The following RAPGEF2 variants were observed in gnomAD, a reference collection of about 807,000 sequenced individuals.
RAPGEF2 encodes the protein PDZ domain containing guanine nucleotide exchange factor (GEF) 1.
A neutral mutation model predicts 186.7 loss-of-function variants in RAPGEF2; 54 were observed. That is an observed-to-expected ratio of 0.29 (90% CI 0.23 to 0.36). The LOEUF (loss-of-function observed/expected upper bound fraction) is 0.36, where lower values mean the gene tolerates loss of function less well. Among genes scored for constraint, RAPGEF2 ranks in the 10% least tolerant of loss-of-function variants. RAPGEF2 has a pLI of 1.00. For synonymous variants in RAPGEF2, 712 were observed against 705.9 expected (o/e 1.01, Z -0.14); for missense variants, 1,532 against 2,045.0 (o/e 0.75, Z 4.84).
Position 159,154,505 on chromosome 4 carries a change from C to CTT in RAPGEF2, c.70-32124_70-32123dup, listed in dbSNP as rs5863351. On this transcript the variant is annotated intron_variant, in intron 1 of 29. Coordinates refer to ENST00000691494, the MANE Select transcript of RAPGEF2 (RefSeq NM_001394067.2). ...TTTTCTCTCCTTCCACTCACATCAC[C>CTT]TTTTTTTTTTTTTTAAAAAAAACAA... Among the ~76,000 whole-genome samples, 1,150 of 136,650 alleles carry CTT rather than the reference C, an allele frequency of 8.4e-3. 15 individuals are homozygous for CTT. Among genetic ancestry groups the CTT allele is most frequent in the African/African-American group, 0.028 (1,008 of 35,624 alleles). The allele number at this position is 136,650 out of a possible 152,430, so 89.6% of individuals were successfully genotyped here.
chr4:159,339,082 C>A, intron 18 of RAPGEF2, 32 bp from the exon 19 acceptor site: 1 of 1,598,140 alleles, frequency 6.3e-7, no homozygotes, highest in Non-Finnish European at 8.5e-7. Flanking sequence ...AAAATTCTTT[C>A]TACTTATGTG....
At chr4:159,171,840 G>C (rs1745938805) in intron 1 of RAPGEF2, among the ~76,000 whole-genome samples, 1 of 152,138 alleles carries the variant, frequency 6.6e-6, no homozygotes, top group South Asian at 2.1e-4. Context: ...GCTTTAGGTA[G>C]GTGTCAGAGA....
At chr4:159,305,201 T>C (rs1763136728) in intron 8 of RAPGEF2, among the ~76,000 whole-genome samples, 1 of 152,182 alleles carries the variant, frequency 6.6e-6, no homozygotes, top group Non-Finnish European at 1.5e-5. Flanking sequence ...TACTCAGTCA[T>C]GAGATTGGTA....
intron 4 of RAPGEF2, among the ~76,000 whole-genome samples, chr4:159,221,291 T>C (rs537281043): frequency 6.6e-6 from 1 of 152,176 alleles, no homozygotes; most frequent in Non-Finnish European, 1.5e-5. Context: ...TGTGCTAGCA[T>C]GTGGCTTGCA....
intron 26 of RAPGEF2, chr4:159,350,977 T>A: frequency 7.2e-7 from 1 of 1,388,438 alleles, no homozygotes; most frequent in Non-Finnish European, 9.8e-7. Flanking sequence ...ATTTCAGACA[T>A]CTGTGCATTT....
intron 1 of RAPGEF2, among the ~76,000 whole-genome samples, chr4:159,158,661 A>G (rs1744377867): frequency 1.3e-5 from 2 of 152,214 alleles, no homozygotes; most frequent in Admixed American, 1.3e-4. Context: ...TTCAGAGATG[A>G]CTATAGTCAC....
intron 1 of RAPGEF2, among the ~76,000 whole-genome samples, chr4:159,124,150 C>T (rs1579243887): frequency 1.3e-5 from 2 of 151,998 alleles, no homozygotes; most frequent in African/African-American, 2.4e-5. Context: ...CCACTGCACC[C>T]GGCCTTTGTT....
At chr4:159,166,174 C>T (rs773975406) in intron 1 of RAPGEF2, among the ~76,000 whole-genome samples, 4 of 151,944 alleles carry the variant, frequency 2.6e-5, no homozygotes, top group African/African-American at 7.3e-5. Context: ...ATTAGCTGGG[C>T]GTGGTGGCGG....
intron 1 of RAPGEF2, among the ~76,000 whole-genome samples, chr4:159,105,575 C>A (rs928830065): frequency 6.6e-6 from 1 of 152,188 alleles, no homozygotes; most frequent in African/African-American, 2.4e-5. Context: ...ATTTATCTGT[C>A]TCCAGAAAGT....
chr4:159,350,247 C>G lies in RAPGEF2; in HGVS notation c.3823C>G (p.Leu1275Val), dbSNP rs1377937574. 1 of 1,598,536 alleles carries G rather than the reference C, an allele frequency of 6.3e-7. No homozygotes were observed. The highest frequency in any genetic ancestry group is 1.7e-5 in the Admixed American group (1 of 58,128). ...EDTISNASSQ[L>V]SSPPTSPQSS... ...TACAATATCAAATGCATCTTCGCAG[C>G]TTTCTTCTCCTCCTACTTCTCCACA... The change falls in exon 26 of 30, where the codon CTT (leucine) becomes GTT (valine). Residue 1275 changes from leucine (L) to valine (V), a missense_variant. This residue lies in a region of RAPGEF2 where 594 missense variants were observed against 608.5 expected (regional missense o/e 0.98). Transcript: ENST00000691494.
chr4:159,331,377 A>T, intron 13 of RAPGEF2, 54 bp from the exon 14 acceptor site: 1 of 1,053,248 alleles, frequency 9.5e-7, no homozygotes, highest in Non-Finnish European at 1.4e-6. Context: ...GAATGATTTT[A>T]ATCACATTTT....
intron 3 of RAPGEF2, among the ~76,000 whole-genome samples, chr4:159,207,200 GT>G (rs1385406603): frequency 6.6e-6 from 1 of 152,200 alleles, no homozygotes; most frequent in Non-Finnish European, 1.5e-5. Context: ...GTAATAAGTG[GT>G]AGAGATTACC....
chr4:159,308,284 C>T (rs75274821), intron 8 of RAPGEF2, among the ~76,000 whole-genome samples: 1,666 of 152,228 alleles, frequency 0.011, 34 homozygotes, highest in African/African-American at 0.038. Context: ...TGATGACAGG[C>T]AGATAGCCTG....
At chr4:159,256,668 TGTAA>T (rs1243015971) in intron 7 of RAPGEF2, among the ~76,000 whole-genome samples, 4 of 152,224 alleles carry the variant, frequency 2.6e-5, no homozygotes, top group Admixed American at 2.0e-4. Flanking sequence ...CCACCAACAA[TGTAA>T]GTGTTTCTTT....
chr4:159,311,751 C>G (rs955313385), intron 8 of RAPGEF2, among the ~76,000 whole-genome samples: 6 of 152,124 alleles, frequency 3.9e-5, no homozygotes, highest in Admixed American at 3.9e-4. Context: ...GTTCCTTAAA[C>G]TTTTAACTCC....
rs1271468832 is a variant in RAPGEF2 at position 159,353,829 on chromosome 4, T to A, written c.4434T>A (p.Leu1478=). ...YNRQNQSRES[L]EQAQSRASWA... is the part of the protein sequence containing the mutation. ...GGCAAAATCAAAGTAGAGAGAGCCT[T>A]GAACAAGCCCAGTCCCGAGCAAGCT... Residue 1478 remains leucine, a synonymous_variant, in exon 28 of 30, where the codon CTT becomes CTA. Transcript: ENST00000691494. This position sits in a 1 kb window ranked among gnomAD's most constrained non-coding sequence, Gnocchi z 4.3. The A allele has an allele frequency of 6.2e-7, 1 of 1,614,204 alleles. No individual in the cohort carries two copies. The highest frequency in any genetic ancestry group is 8.5e-7 in the Non-Finnish European group (1 of 1,180,034).
intron 7 of RAPGEF2, among the ~76,000 whole-genome samples, chr4:159,300,023 A>T (rs967135352): frequency 1.6e-4 from 25 of 152,018 alleles, no homozygotes; most frequent in African/African-American, 6.0e-4. Flanking sequence ...TATTCAGTCC[A>T]CACAACACAG....
intron 4 of RAPGEF2, among the ~76,000 whole-genome samples, chr4:159,211,896 G>C (rs1256446646): frequency 6.6e-6 from 1 of 152,150 alleles, no homozygotes; most frequent in Non-Finnish European, 1.5e-5. Context: ...GCTAGCATTG[G>C]TGGTGGTGGT....
chr4:159,130,819 C>T (rs2111128745), intron 1 of RAPGEF2, among the ~76,000 whole-genome samples: 1 of 151,008 alleles, frequency 6.6e-6, no homozygotes. Context: ...CAGGTGTCCT[C>T]CCACCACAGC....
Sources: gnomAD v4.1 joint callset for allele counts (sites outside exome capture counted in the v4.1 genomes callset) on GRCh38, gnomAD v4.1.1 for gene constraint, gnomAD v4.1.1 regional missense constraint, Gnocchi (gnomAD v3.1) non-coding constraint, MANE v1.5 for transcripts, NCBI Gene and HGNC (gene_info 2026-07-23, HGNC 2026-07-21) for gene names.